The following SNED1 variants were observed in gnomAD, a reference collection of about 807,000 sequenced individuals.
SNED1 encodes sushi, nidogen and EGF like domains 1, also known as sushi, nidogen and EGF-like domain-containing protein 1.
SNED1 carries 81 observed loss-of-function variants against 166.7 expected under a neutral mutation model. The ratio of observed to expected loss-of-function variants is 0.49; its 90% CI spans 0.41 to 0.58. The LOEUF is 0.58. Among genes scored for constraint, SNED1 ranks in the 20% least tolerant of loss-of-function variants. The probability of loss-of-function intolerance (pLI) is 0.00; values close to 1 mark genes in which losing one functional copy is unlikely to be tolerated. For synonymous variants in SNED1, 762 were observed against 822.0 expected (o/e 0.93, Z 1.25); for missense variants, 1,604 against 2,000.2 (o/e 0.80, Z 3.78).
chr2:241,090,700 C>T (rs2063899535), intron 31 of SNED1, among the ~76,000 whole-genome samples: 1 of 152,100 alleles, frequency 6.6e-6, no homozygotes, highest in Non-Finnish European at 1.5e-5. Context: ...AACCCTGTCT[C>T]TACTAAAAAT....
Position 241,065,370 on chromosome 2 carries a change from C to G in SNED1, c.2785C>G (p.Pro929Ala), listed in dbSNP as rs2125197000. The G allele has an allele frequency of 6.2e-7, 1 of 1,613,168 alleles. No homozygotes were observed. Among genetic ancestry groups the G allele is most frequent in the Non-Finnish European group, 8.5e-7 (1 of 1,179,864 alleles). Residue 929 changes from proline to alanine, a missense_variant, in exon 21 of 32, where the codon CCC becomes GCC. Coordinates refer to ENST00000310397, the MANE Select transcript of SNED1 (RefSeq NM_001080437.3). ...TGGGGTCTCTATCTCCTGGAACCCG[C>G]CCAATGGTCCAGCCGCCAGGCAGAT... ...ESGVSISWNP[P>A]NGPAARQMLD... is the part of the protein sequence containing the mutation.
In SNED1 at chr2:241,089,711, A is replaced by G. The variant is rs114146350; in HGVS notation, c.*1+1309A>G. On this transcript the variant is annotated intron_variant, in intron 31 of 31. Coordinates refer to ENST00000310397, the MANE Select transcript of SNED1 (RefSeq NM_001080437.3). ...GCTTGTAAGCAATTTCCTACAGCCG[A>G]GCATCACTTAACAATGGAGATGCAT... Among the ~76,000 whole-genome samples the G allele has an allele frequency of 6.3e-3, 961 of 152,380 alleles. 7 individuals carry two copies. Among genetic ancestry groups the G allele is most frequent in the African/African-American group, 0.016 (680 of 41,592 alleles).
chr2:241,049,819 C>A lies in SNED1; in HGVS notation c.1621C>A (p.Leu541Met). ...CHTDHNASHS[L>M]PSPCDSDPCF... Reference sequence around the variant, plus strand: ...CACCCTCTGTCCCCCGCCCCCAGCCCTGCCATCACCCTGCGACTCGGACCC... The same window carrying A: ...CACCCTCTGTCCCCCGCCCCCAGCCATGCCATCACCCTGCGACTCGGACCC... The change falls in exon 12 of 32, where the codon CTG becomes ATG. Residue 541 changes from leucine (L) to methionine (M), a missense_variant and splice_region_variant. This residue lies in a region of SNED1 where 1,237 missense variants were observed against 1,620.8 expected (regional missense o/e 0.76). Transcript: ENST00000310397. 6.2e-7 allele frequency: 1 copy of A among 1,613,332 alleles called. No individual in the cohort carries two copies. Among genetic ancestry groups the A allele is most frequent in the Non-Finnish European group, 8.5e-7 (1 of 1,179,404 alleles).
chr2:241,052,485 G>GGTCAAGCAGGGTAC lies in SNED1; in HGVS notation c.2083+17_2083+18insGTCAAGCAGGGTAC, dbSNP rs1559268633. Reference sequence around the variant, plus strand: ...GCCAGGCAGGTGAGAGGGTCAGGGGGATCAAGCAGGGTACATGGGATACCA... The same window carrying GGTCAAGCAGGGTAC: ...GCCAGGCAGGTGAGAGGGTCAGGGGGGTCAAGCAGGGTACATCAAGCAGGGTACATGGGATACCA... On this transcript the variant is annotated intron_variant, in intron 15 of 31. Coordinates refer to ENST00000310397, the MANE Select transcript of SNED1 (RefSeq NM_001080437.3). 102 of 1,566,182 alleles carry GGTCAAGCAGGGTAC rather than the reference G, an allele frequency of 6.5e-5. 3 individuals are homozygous for GGTCAAGCAGGGTAC. The highest frequency in any genetic ancestry group is 6.3e-4 in the Admixed American group (37 of 58,340).
intron 8 of SNED1, among the ~76,000 whole-genome samples, chr2:241,043,203 C>T (rs1379045454): frequency 6.6e-6 from 1 of 152,060 alleles, no homozygotes; most frequent in Non-Finnish European, 1.5e-5. Flanking sequence ...TGAAGAAAAC[C>T]ATGCAAAGCC....
In SNED1 at chr2:241,064,752, G is replaced by A; in HGVS notation, c.2600-92G>A. ...CCCCCCGCCCCTCCACACCCACGCA[G>A]GAGGGACCCAGTGCCCCAGGAGCAA... On this transcript the variant is annotated intron_variant, in intron 19 of 31. Coordinates refer to ENST00000310397, the MANE Select transcript of SNED1 (RefSeq NM_001080437.3). The surrounding 1 kb of genome is among the most constrained non-coding windows in gnomAD (Gnocchi z 7.0). 2.3e-6 allele frequency: 2 copies of A among 883,290 alleles called. No homozygotes were observed. The highest frequency in any genetic ancestry group is 3.4e-6 in the Non-Finnish European group (2 of 587,550). 54.7% of individuals were successfully genotyped at this position (883,290 alleles called of 1,614,324 possible). A position where few individuals can be genotyped will look rare whatever the true frequency, so the allele number is the denominator to read the frequency against.
chr2:241,059,509 T>A (rs377756685), intron 16 of SNED1, among the ~76,000 whole-genome samples: 1 of 152,170 alleles, frequency 6.6e-6, no homozygotes, highest in African/African-American at 2.4e-5. Context: ...CTGGTATCTC[T>A]CAAGAACATA....
intron 29 of SNED1, among the ~76,000 whole-genome samples, chr2:241,083,394 GGA>G: frequency 2.4e-5 from 1 of 41,606 alleles, no homozygotes; most frequent in African/African-American, 6.7e-4. Flanking sequence ...CATGAAATGG[GGA>G]GGAGCTACTG....
intron 27 of SNED1, among the ~76,000 whole-genome samples, chr2:241,076,663 C>G (rs977668514): frequency 6.6e-6 from 1 of 152,106 alleles, no homozygotes; most frequent in African/African-American, 2.4e-5. Flanking sequence ...GGAAGGAGTT[C>G]AAGACTAGCC....
rs189594498 is a variant in SNED1, at chr2:241,068,692, G to C, written c.3195-219G>C. On this transcript the variant is annotated intron_variant, in intron 22 of 31. Transcript: ENST00000310397. This position sits in a 1 kb window ranked among gnomAD's most constrained non-coding sequence, Gnocchi z 5.3. The stretch of plus-strand genomic sequence containing the variant: ...TACTGTAGCAGCCCCAAGCGCACCC[G>C]ATCCTCCTCCGCTGCCCGGACTATG... Among the ~76,000 whole-genome samples, 2 of 152,038 alleles carry C rather than the reference G, an allele frequency of 1.3e-5. No homozygotes were observed. The highest frequency in any genetic ancestry group is 2.1e-4 in the South Asian group (1 of 4,820).
In SNED1 at chr2:241,092,936, G is replaced by C. The variant is rs765676733; in HGVS notation, c.*1300G>C. ...AGCTGGAAAGCCAGCGCCCTGCCGC[G>C]TCACCCTGACTCTGCTCAGAGCCAG... On this transcript the variant is annotated 3_prime_UTR_variant, in exon 32 of 32. Coordinates refer to ENST00000310397, the MANE Select transcript of SNED1 (RefSeq NM_001080437.3). This position sits in a 1 kb window ranked among gnomAD's most constrained non-coding sequence, Gnocchi z 4.6. The C allele has an allele frequency of 2.0e-5, 3 of 152,198 alleles. No homozygotes were observed. In the East Asian group the frequency reaches 5.8e-4, roughly 29 times the overall value. 9.4% of individuals were successfully genotyped at this position (152,198 alleles called of 1,614,324 possible).
intron 9 of SNED1, 44 bp downstream of exon 9, chr2:241,048,484 G>A: frequency 6.4e-7 from 1 of 1,557,414 alleles, no homozygotes; most frequent in Non-Finnish European, 8.7e-7. Context: ...GCTGGGGCAG[G>A]AGACCCAGGG....
rs1268406137 is a variant in SNED1, at chr2:240,998,963, C to A, written c.126C>A (p.Val42=). 7.6e-7 allele frequency: 1 copy of A among 1,310,184 alleles called. No individual in the cohort carries two copies. The highest frequency in any genetic ancestry group is 1.9e-5 in the South Asian group (1 of 51,812). The allele number at this position is 1,310,184 out of a possible 1,614,324, so 81.2% of individuals were successfully genotyped here. ...TCGGCGCCGAGCGCGGCGACGCCGT[C>A]ACCCCCAAGCAGGACGACGGCGGCT... ...YPFGAERGDA[V]TPKQDDGGSG... is the part of the protein sequence containing the mutation. The change falls in exon 1 of 32, where the codon GTC becomes GTA. Residue 42 remains valine, a synonymous_variant. Transcript: ENST00000310397.
chr2:241,040,870 G>A (rs1307292960), intron 8 of SNED1: 3 of 470,112 alleles, frequency 6.4e-6, no homozygotes, highest in Non-Finnish European at 1.3e-5. Context: ...TCTATTTTGT[G>A]TTGTTTAACT....
chr2:241,011,211 G>GGGTCTCCTGGGTCTCCTGGGGGTGGCA (rs2060388922), intron 1 of SNED1, among the ~76,000 whole-genome samples: 4 of 135,374 alleles, frequency 3.0e-5, no homozygotes, highest in African/African-American at 1.2e-4. Flanking sequence ...CAGGTCTCCT[G>GGGTCTCCTGGGTCTCCTGGGGGTGGCA]GGTCTCCTGG....
intron 1 of SNED1, among the ~76,000 whole-genome samples, chr2:241,004,063 G>A (rs185985110): frequency 6.6e-6 from 1 of 152,354 alleles, no homozygotes; most frequent in Non-Finnish European, 1.5e-5. Flanking sequence ...GGAAGATCCT[G>A]GAGTGGGGAT....
chr2:241,081,799 T>C lies in SNED1; in HGVS notation c.4033+6T>C. ...AGGCAGACGCTGCGAGCTCGGTAAGTCGGGGCTTGGCCTCAGGGCGCCCCT... is the reference window on the plus strand; with the variant it reads ...AGGCAGACGCTGCGAGCTCGGTAAGCCGGGGCTTGGCCTCAGGGCGCCCCT... On this transcript the variant is annotated splice_donor_region_variant and intron_variant, in intron 28 of 31. Transcript: ENST00000310397. 6.4e-7 allele frequency: 1 copy of C among 1,568,846 alleles called. No individual in the cohort carries two copies. Among genetic ancestry groups the C allele is most frequent in the Non-Finnish European group, 8.7e-7 (1 of 1,155,704 alleles).
chr2:241,000,511 A>G (rs1269174290), intron 1 of SNED1, among the ~76,000 whole-genome samples: 1 of 152,208 alleles, frequency 6.6e-6, no homozygotes, highest in African/African-American at 2.4e-5. Context: ...CACTTGAGGT[A>G]TGGGACACTC....
intron 21 of SNED1, among the ~76,000 whole-genome samples, chr2:241,066,069 A>G (rs1398273729): frequency 6.6e-6 from 1 of 152,150 alleles, no homozygotes; most frequent in East Asian, 1.9e-4. Context: ...CGGTGGCTCA[A>G]TCGGGAAGAG....
Sources: gnomAD v4.1 joint callset for allele counts (sites outside exome capture counted in the v4.1 genomes callset) on GRCh38, gnomAD v4.1.1 for gene constraint, gnomAD v4.1.1 regional missense constraint, Gnocchi (gnomAD v3.1) non-coding constraint, MANE v1.5 for transcripts, NCBI Gene and HGNC (gene_info 2026-07-23, HGNC 2026-07-21) for gene names.